ZFHX3: variants seen among roughly 807,000 people sequenced by gnomAD.
ZFHX3 encodes the protein zinc finger homeobox 3.
ZFHX3 carries 42 observed loss-of-function variants against 279.1 expected under a neutral mutation model. That is an observed-to-expected ratio of 0.15 (90% CI 0.12 to 0.19). ZFHX3 has a LOEUF of 0.19. ZFHX3 is among the 10% of genes least tolerant of loss of function. The probability of loss-of-function intolerance (pLI) is 1.00; values close to 1 mark genes in which losing one functional copy is unlikely to be tolerated. For synonymous variants in ZFHX3, 2,293 were observed against 1,957.8 expected, an observed-to-expected ratio of 1.17 and a Z score of -4.52; for missense variants, 4,981 against 4,754.0, an observed-to-expected ratio of 1.05 and a Z score of -1.40.
intron 8 of ZFHX3, among the ~76,000 whole-genome samples, chr16:73,089,218 T>C (rs202186348): frequency 2.6e-5 from 4 of 152,070 alleles, no homozygotes; most frequent in African/African-American, 4.8e-5. Flanking sequence ...ATTCTCCTGC[T>C]TCAGCCTCCC....
chr16:73,205,667 C>T (rs971829088), intron 5 of ZFHX3, among the ~76,000 whole-genome samples: 1 of 152,100 alleles, frequency 6.6e-6, no homozygotes, highest in Non-Finnish European at 1.5e-5. Context: ...AATGAAGCAG[C>T]TTTGTAACAT....
chr16:73,279,783 A>AC (rs2014410038), intron 4 of ZFHX3, among the ~76,000 whole-genome samples: 1 of 152,186 alleles, frequency 6.6e-6, no homozygotes, highest in African/African-American at 2.4e-5. Flanking sequence ...TTCTCTCAGA[A>AC]CAGAGTCTTG....
chr16:73,003,189 CTGTTA>C (rs779246384), intron 1 of ZFHX3, among the ~76,000 whole-genome samples: 9 of 151,958 alleles, frequency 5.9e-5, no homozygotes, highest in Non-Finnish European at 1.0e-4. Context: ...TTATAAATGT[CTGTTA>C]TAAGTGTCTG....
chr16:73,189,199 C>T (rs767799631), intron 5 of ZFHX3, among the ~76,000 whole-genome samples: 2 of 152,180 alleles, frequency 1.3e-5, no homozygotes, highest in Non-Finnish European at 2.9e-5. Flanking sequence ...TGTTATCCTG[C>T]TTAACATAAA....
At chr16:72,880,786 G>A (rs1444797951) in intron 4 of ZFHX3, among the ~76,000 whole-genome samples, 1 of 152,078 alleles carries the variant, frequency 6.6e-6, no homozygotes, top group Admixed American at 6.6e-5. Flanking sequence ...TACACAAAAG[G>A]TCTCAAGATA....
intron 1 of ZFHX3, among the ~76,000 whole-genome samples, chr16:73,708,611 G>A (rs1567557604): frequency 6.6e-6 from 1 of 152,074 alleles, no homozygotes; most frequent in Non-Finnish European, 1.5e-5. Context: ...AAGAAATAAG[G>A]AATATTTTTC....
intron 2 of ZFHX3, among the ~76,000 whole-genome samples, chr16:73,550,160 G>A (rs757740710): frequency 4.6e-5 from 7 of 152,058 alleles, no homozygotes; most frequent in Middle Eastern, 3.2e-3. Context: ...GGAGTACTTC[G>A]GGGCTGGGCC....
At chr16:73,630,016 C>T (rs2052453264) in intron 2 of ZFHX3, among the ~76,000 whole-genome samples, 1 of 152,116 alleles carries the variant, frequency 6.6e-6, no homozygotes, top group Non-Finnish European at 1.5e-5. Flanking sequence ...CTAAAACCAT[C>T]CCCGGCCCAT....
At chr16:73,390,589 G>A (rs2016991403) in intron 3 of ZFHX3, among the ~76,000 whole-genome samples, 1 of 152,152 alleles carries the variant, frequency 6.6e-6, no homozygotes, top group South Asian at 2.1e-4. Context: ...CTCATTACGG[G>A]AAAAGCTGCA....
chr16:73,840,868 G>A (rs370973756), intron 1 of ZFHX3, among the ~76,000 whole-genome samples: 2 of 152,244 alleles, frequency 1.3e-5, no homozygotes, highest in South Asian at 4.1e-4. Flanking sequence ...CACTCTTCCA[G>A]TTGGGAGGGG....
intron 3 of ZFHX3, among the ~76,000 whole-genome samples, chr16:72,904,818 C>A (rs2039131293): frequency 1.3e-5 from 2 of 151,944 alleles, no homozygotes; most frequent in African/African-American, 4.8e-5. Context: ...TCAGGGCCCA[C>A]CACAAAGCAT....
At chr16:73,399,650 G>A (rs57395666) in intron 3 of ZFHX3, among the ~76,000 whole-genome samples, 1,963 of 152,258 alleles carry the variant, frequency 0.013, 35 homozygotes, top group African/African-American at 0.044. Context: ...TGAGTGGGCC[G>A]TGGTTACCTC....
chr16:73,737,968 G>T (rs2053623401), intron 1 of ZFHX3, among the ~76,000 whole-genome samples: 1 of 152,202 alleles, frequency 6.6e-6, no homozygotes, highest in Non-Finnish European at 1.5e-5. Context: ...AAAAGGTTTG[G>T]TGGGGGAGGA....
chr16:73,207,220 G>A (rs1471692035), intron 5 of ZFHX3, among the ~76,000 whole-genome samples: 1 of 152,104 alleles, frequency 6.6e-6, no homozygotes, highest in Non-Finnish European at 1.5e-5. Flanking sequence ...CCAGAGGAAA[G>A]AGCCAGCAAG....
intron 1 of ZFHX3, among the ~76,000 whole-genome samples, chr16:73,770,554 A>C (rs910246148): frequency 1.3e-5 from 2 of 152,214 alleles, no homozygotes; most frequent in Non-Finnish European, 2.9e-5. Flanking sequence ...TTTAGATAAT[A>C]ATATCACTCT....
chr16:73,523,951 T>C (rs1157997176), intron 2 of ZFHX3, among the ~76,000 whole-genome samples: 2 of 152,204 alleles, frequency 1.3e-5, no homozygotes, highest in Admixed American at 6.5e-5. Flanking sequence ...AGTTTCAAAA[T>C]CTGTCATTTC....
chr16:73,251,418 G>A lies in ZFHX3; in HGVS notation c.-1104+5629C>T, dbSNP rs189353199. ...CCAAGCGTGGCTCTAAATCTGTTAC[G>A]TGTATTACCTTATTTGGTCATCATG... On this transcript the variant is annotated intron_variant, in intron 5 of 17. Coordinates refer to the ZFHX3 transcript ENST00000641206. 1.4e-4 allele frequency among the ~76,000 whole-genome samples: 22 copies of A among 152,232 alleles called. 1 individual carries two copies. The East Asian group carries it at 3.1e-3, about 21-fold the overall frequency.
chr16:73,387,977 T>C (rs2016934834), intron 3 of ZFHX3, among the ~76,000 whole-genome samples: 1 of 151,190 alleles, frequency 6.6e-6, no homozygotes, highest in Non-Finnish European at 1.5e-5. Context: ...AGAGAATGAG[T>C]GAGAGAGGGA....
chr16:73,340,054 G>T (rs527608967), intron 3 of ZFHX3, among the ~76,000 whole-genome samples: 1 of 152,200 alleles, frequency 6.6e-6, no homozygotes, highest in Non-Finnish European at 1.5e-5. Flanking sequence ...CTCAGAGGGA[G>T]GTGAGCAAGT....
Sources: gnomAD v4.1 joint callset for allele counts (sites outside exome capture counted in the v4.1 genomes callset) on GRCh38, gnomAD v4.1.1 for gene constraint, MANE v1.5 for transcripts, NCBI Gene and HGNC (gene_info 2026-07-23, HGNC 2026-07-21) for gene names.